The following MPPED1 variants were observed in gnomAD, a reference collection of about 807,000 sequenced individuals.
The protein encoded by MPPED1 is metallophosphoesterase domain-containing protein 1.
Under a neutral mutation model 36.2 loss-of-function variants are expected in MPPED1, and 16 were observed. That is an observed-to-expected ratio of 0.44 (90% CI 0.30 to 0.67). The LOEUF is 0.67. Among genes scored for constraint, MPPED1 ranks in the 30% least tolerant of loss-of-function variants. The pLI is 0.10. For synonymous variants in MPPED1, 199 were observed against 191.3 expected, an observed-to-expected ratio of 1.04 and a Z score of -0.33; for missense variants, 307 against 453.4, an observed-to-expected ratio of 0.68 and a Z score of 2.93.
At chr22:43,413,832 C>G (rs763011738) in intron 1 of MPPED1, among the ~76,000 whole-genome samples, 2 of 152,210 alleles carry the variant, frequency 1.3e-5, no homozygotes, top group Non-Finnish European at 2.9e-5. Context: ...AATCCAGTCA[C>G]GGAGGCTTAA....
chr22:43,415,676 G>T (rs963686580), intron 1 of MPPED1, among the ~76,000 whole-genome samples: 1 of 152,108 alleles, frequency 6.6e-6, no homozygotes, highest in Non-Finnish European at 1.5e-5. Context: ...AGCAGCTGCG[G>T]GAAAAAATAA....
chr22:43,448,219 A>G (rs1326628115), intron 3 of MPPED1, among the ~76,000 whole-genome samples: 1 of 152,138 alleles, frequency 6.6e-6, no homozygotes, highest in Admixed American at 6.5e-5. Context: ...ACAGGGCCTG[A>G]CACCAGCATT....
chr22:43,501,074 T>C (rs1346260669), intron 5 of MPPED1, among the ~76,000 whole-genome samples: 1 of 152,124 alleles, frequency 6.6e-6, no homozygotes, highest in Non-Finnish European at 1.5e-5. Context: ...CTCTGCCTCC[T>C]CACAAAGTCC....
chr22:43,455,699 T>A (rs1251695548), intron 3 of MPPED1, among the ~76,000 whole-genome samples: 1 of 152,230 alleles, frequency 6.6e-6, no homozygotes, highest in African/African-American at 2.4e-5. Flanking sequence ...CTCAGCAACA[T>A]AACTACTCAG....
Position 43,425,107 on chromosome 22 carries a change from G to C in MPPED1, c.122G>C (p.Ser41Thr), listed in dbSNP as rs938722264. Residue 41 changes from serine to threonine, a missense_variant, in exon 2 of 7, where the codon AGC becomes ACC. Physicochemically the swap from Ser to Thr is moderately conservative, Grantham distance 58 (BLOSUM62 1). This residue lies in a region of MPPED1 where 169 missense variants were observed against 212.3 expected (regional missense o/e 0.80). Transcript: ENST00000443721. The part of the protein sequence containing the change: ...HVMAARRHQH[S>T]RLIIEVDEYS... Reference sequence around the variant, plus strand: ...ATGGCCGCTCGGCGGCACCAGCACAGCCGGCTCATCATCGAGGTGGACGAG... The same window carrying C: ...ATGGCCGCTCGGCGGCACCAGCACACCCGGCTCATCATCGAGGTGGACGAG... 3.1e-6 allele frequency: 5 copies of C among 1,613,850 alleles called. No individual in the cohort carries two copies. Among genetic ancestry groups the C allele is most frequent in the Non-Finnish European group, 4.2e-6 (5 of 1,179,904 alleles).
chr22:43,502,823 C>T lies in MPPED1; in HGVS notation c.862+66C>T. The stretch of plus-strand genomic sequence containing the variant: ...CTCCTAATGGACCCTCCAGCAGGAC[C>T]TCCCCTTCGTTCAGCCAGAAGGGAA... On this transcript the variant is annotated intron_variant, in intron 6 of 6. Transcript: ENST00000443721. The surrounding 1 kb of genome is among the most constrained non-coding windows in gnomAD (Gnocchi z 5.5). 7.4e-7 allele frequency: 1 copy of T among 1,350,152 alleles called. No homozygotes were observed. Among genetic ancestry groups the T allele is most frequent in the Non-Finnish European group, 1.1e-6 (1 of 943,314 alleles). The allele number at this position is 1,350,152 out of a possible 1,614,324, so 83.6% of individuals were successfully genotyped here. A position where few individuals can be genotyped will look rare whatever the true frequency, so the allele number is the denominator to read the frequency against.
Position 43,502,794 on chromosome 22 carries a change from G to A in MPPED1, c.862+37G>A. On this transcript the variant is annotated intron_variant, in intron 6 of 6. Coordinates refer to ENST00000443721, the MANE Select transcript of MPPED1 (RefSeq NM_001044370.2). The surrounding 1 kb of genome is among the most constrained non-coding windows in gnomAD (Gnocchi z 5.5). ...GCGGAGACAGGCACCTCACGGGCTA[G>A]GGGCTCCTAATGGACCCTCCAGCAG... 2 of 1,576,290 alleles carry A rather than the reference G, an allele frequency of 1.3e-6. No individual in the cohort carries two copies. Among genetic ancestry groups the A allele is most frequent in the South Asian group, 2.2e-5 (2 of 90,362 alleles).
intron 3 of MPPED1, among the ~76,000 whole-genome samples, chr22:43,468,993 G>A (rs1281185753): frequency 6.6e-6 from 1 of 152,158 alleles, no homozygotes; most frequent in Admixed American, 6.5e-5. Context: ...CCAGCCCGGG[G>A]GTGCTCTGTA....
chr22:43,479,430 C>T (rs1449529930), intron 4 of MPPED1, among the ~76,000 whole-genome samples: 3 of 152,180 alleles, frequency 2.0e-5, no homozygotes, highest in Non-Finnish European at 1.5e-5. Flanking sequence ...CACCATGTGG[C>T]CTTAGGAGGT....
chr22:43,426,544 C>G (rs1929481217), intron 2 of MPPED1, among the ~76,000 whole-genome samples: 1 of 152,194 alleles, frequency 6.6e-6, no homozygotes, highest in Non-Finnish European at 1.5e-5. Context: ...TTGTGGCATC[C>G]CAGCCGCTGT....
rs139247130 is a variant in MPPED1 at position 43,498,310 on chromosome 22, C to T, written c.708C>T (p.Pro236=). The T allele has an allele frequency of 8.0e-5, 123 of 1,535,392 alleles. 1 individual carries two copies. The East Asian group carries it at 2.0e-3, about 25-fold the overall frequency. ...TGCTGGAGAAATGGAACCTCATTCCCGAAGGCGTAGACATCCTGATAACCC... is the reference window on the plus strand; with the variant it reads ...TGCTGGAGAAATGGAACCTCATTCCTGAAGGCGTAGACATCCTGATAACCC... The part of the protein sequence containing the change: ...QALLEKWNLI[P]EGVDILITHG... Residue 236 remains proline, a synonymous_variant, in exon 5 of 7, where the codon CCC becomes CCT. Transcript: ENST00000443721.
At chr22:43,449,304 G>T (rs545232424) in intron 3 of MPPED1, among the ~76,000 whole-genome samples, 1 of 152,124 alleles carries the variant, frequency 6.6e-6, no homozygotes, top group Non-Finnish European at 1.5e-5. Context: ...CCACTTGACA[G>T]ATGAGGAGAC....
chr22:43,471,419 C>T (rs1038672451), intron 3 of MPPED1, among the ~76,000 whole-genome samples: 5 of 152,178 alleles, frequency 3.3e-5, no homozygotes, highest in East Asian at 1.9e-4. Context: ...CTGAGGTGCC[C>T]GTCTAGAGGG....
Position 43,470,191 on chromosome 22 carries a change from ACCATCCATCTATCCATTCAT to A in MPPED1, c.407-4536_407-4517del, listed in dbSNP as rs879780008. ...ACATATATAAAGCATCCATCCATAA[ACCATCCATCTATCCATTCAT>A]CCATCCATGTATGCATCTATATATC... On this transcript the variant is annotated intron_variant, in intron 3 of 6. Coordinates refer to ENST00000443721, the MANE Select transcript of MPPED1 (RefSeq NM_001044370.2). Among the ~76,000 whole-genome samples the A allele has an allele frequency of 2.1e-3, 317 of 151,734 alleles. 1 individual carries two copies. Among genetic ancestry groups the A allele is most frequent in the Middle Eastern group, 3.4e-3 (1 of 294 alleles).
chr22:43,449,844 C>G (rs1163828204), intron 3 of MPPED1, among the ~76,000 whole-genome samples: 1 of 150,896 alleles, frequency 6.6e-6, no homozygotes, highest in African/African-American at 2.5e-5. Context: ...GAGACCCGAA[C>G]AAGATAATGC....
chr22:43,501,616 T>G (rs1310419651), intron 5 of MPPED1, among the ~76,000 whole-genome samples: 2 of 152,082 alleles, frequency 1.3e-5, no homozygotes, highest in African/African-American at 4.8e-5. Context: ...ACTCCAGAAG[T>G]GAAGAAGGAT....
intron 4 of MPPED1, among the ~76,000 whole-genome samples, chr22:43,495,826 GGTGGAGGTA>G (rs1932303438): frequency 1.3e-5 from 1 of 77,442 alleles, no homozygotes; most frequent in Non-Finnish European, 2.5e-5. Context: ...AGGTGGTGGT[GGTGGAGGTA>G]GTGGTGGTGG....
intron 5 of MPPED1, among the ~76,000 whole-genome samples, chr22:43,500,200 TAATGGAGGTGGTGGG>T (rs1569091710): frequency 2.3e-4 from 11 of 48,828 alleles, no homozygotes; most frequent in South Asian, 6.1e-4. Flanking sequence ...ATGGAGGTGG[TAATGGAGGTGGTGGG>T]GGTGATGGTG....
chr22:43,495,729 T>TGATGGA (rs1932293172), intron 4 of MPPED1, among the ~76,000 whole-genome samples: 1 of 42,914 alleles, frequency 2.3e-5, no homozygotes, highest in Non-Finnish European at 3.8e-5. Context: ...GTGGAGGTGG[T>TGATGGA]GGTGGTGGAG....
Sources: allele counts gnomAD v4.1 joint callset (sites outside exome capture counted in the v4.1 genomes callset), GRCh38; gene constraint gnomAD v4.1.1; regional missense constraint gnomAD v4.1.1; non-coding constraint Gnocchi (gnomAD v3.1); transcripts MANE v1.5; gene names NCBI Gene and HGNC (gene_info 2026-07-23, HGNC 2026-07-21).